TRPM3: variants seen among roughly 807,000 people sequenced by gnomAD.
TRPM3 encodes the protein transient receptor potential cation channel subfamily M member 3.
TRPM3 carries 77 observed loss-of-function variants against 181.2 expected under a neutral mutation model. The ratio of observed to expected loss-of-function variants is 0.42; its 90% CI spans 0.35 to 0.51. The LOEUF (loss-of-function observed/expected upper bound fraction) is 0.51. Among genes scored for constraint, TRPM3 ranks in the 20% least tolerant of loss-of-function variants. The probability of loss-of-function intolerance (pLI) is 0.01; values close to 1 mark genes in which losing one functional copy is unlikely to be tolerated. For synonymous variants in TRPM3, 745 were observed against 796.4 expected (o/e 0.94, Z 1.09); for missense variants, 1,759 against 2,196.7 (o/e 0.80, Z 3.98).
At chr9:71,311,063 T>C (rs1487604088) in intron 1 of TRPM3, among the ~76,000 whole-genome samples, 2 of 152,154 alleles carry the variant, frequency 1.3e-5, no homozygotes, top group Non-Finnish European at 2.9e-5. Flanking sequence ...AAGCTTTTTT[T>C]CTTCATCTCT....
At chr9:70,579,275 C>T (rs1213283921) in intron 22 of TRPM3, 3 of 152,202 alleles carry the variant, frequency 2.0e-5, no homozygotes, top group East Asian at 1.9e-4. Flanking sequence ...TAACCTGGAC[C>T]ACTTCACCCC....
At chr9:71,259,625 C>T (rs1236764284) in intron 1 of TRPM3, among the ~76,000 whole-genome samples, 2 of 152,246 alleles carry the variant, frequency 1.3e-5, no homozygotes, top group Admixed American at 6.5e-5. Flanking sequence ...TTTTGATTTG[C>T]ATTTCTCTAA....
intron 1 of TRPM3, among the ~76,000 whole-genome samples, chr9:71,058,039 A>G (rs2060868608): frequency 6.6e-6 from 1 of 152,048 alleles, no homozygotes; most frequent in South Asian, 2.1e-4. Context: ...GTGTGTTATC[A>G]ATGGTACAGA....
rs75675168 is a variant in TRPM3, at chr9:70,935,325, C to A, written c.178-70814G>T. On this transcript the variant is annotated intron_variant, in intron 1 of 25. Transcript: ENST00000677713. ...CTTTAAGTAACTCAGGGGCAAGGGA[C>A]CCAATTCACTCTTGGAAGCATGTAC... 2.2e-3 allele frequency among the ~76,000 whole-genome samples: 341 copies of A among 152,246 alleles called. 3 individuals are homozygous for A. Among genetic ancestry groups the A allele is most frequent in the African/African-American group, 7.6e-3 (315 of 41,538 alleles).
chr9:70,552,733 A>G, intron 24 of TRPM3, 111 bp downstream of exon 24: 1 of 1,106,732 alleles, frequency 9.0e-7, no homozygotes, highest in Non-Finnish European at 1.4e-6. Context: ...AGCTGTCTGC[A>G]GCCTGCAAGA....
At chr9:70,780,711 A>G (rs1448972753) in intron 7 of TRPM3, among the ~76,000 whole-genome samples, 1 of 152,208 alleles carries the variant, frequency 6.6e-6, no homozygotes, top group African/African-American at 2.4e-5. Flanking sequence ...TTTTATCATG[A>G]TGAATTTATA....
chr9:70,588,685 A>C (rs1450441622), intron 22 of TRPM3, among the ~76,000 whole-genome samples: 1 of 152,186 alleles, frequency 6.6e-6, no homozygotes, highest in Non-Finnish European at 1.5e-5. Flanking sequence ...GACACAGAAA[A>C]GAGGCAAGAC....
chr9:71,211,321 ATTCT>A (rs2079485010), intron 1 of TRPM3, among the ~76,000 whole-genome samples: 1 of 149,668 alleles, frequency 6.7e-6, no homozygotes, highest in Non-Finnish European at 1.5e-5. Context: ...TTTGAAATTC[ATTCT>A]TTCTTTCATT....
chr9:70,591,301 G>A, intron 21 of TRPM3, 96 bp from the exon 22 acceptor site: 1 of 1,044,790 alleles, frequency 9.6e-7, no homozygotes, highest in Non-Finnish European at 1.4e-6. Context: ...TTTGGAGGAG[G>A]TCCACTTTCT....
chr9:71,095,932 T>G (rs1257343128), intron 1 of TRPM3, among the ~76,000 whole-genome samples: 2 of 152,074 alleles, frequency 1.3e-5, no homozygotes, highest in East Asian at 3.9e-4. Context: ...CAGAAAAACT[T>G]ATAAAATCAC....
intron 5 of TRPM3, among the ~76,000 whole-genome samples, chr9:70,829,677 T>C (rs1427259738): frequency 6.6e-6 from 1 of 152,224 alleles, no homozygotes; most frequent in African/African-American, 2.4e-5. Context: ...TAGTTGGCTC[T>C]TATTGATAAA....
At position 70,805,089 on chromosome 9, in the gene TRPM3, T is replaced by G. The variant is rs373708407; in HGVS notation, c.974-20810A>C. 7.9e-5 allele frequency among the ~76,000 whole-genome samples: 12 copies of G among 152,124 alleles called. No homozygotes were observed. In the South Asian group the frequency reaches 1.9e-3, roughly 24 times the overall value. On this transcript the variant is annotated intron_variant, in intron 6 of 25. Transcript: ENST00000677713. ...GACAATTATTTTATCAGTGGTTACTTTGGCTGACAAAAGTTAAGAGGCTCT... is the reference window on the plus strand; with the variant it reads ...GACAATTATTTTATCAGTGGTTACTGTGGCTGACAAAAGTTAAGAGGCTCT...
At chr9:71,371,554 A>G (rs2132803058) in intron 1 of TRPM3, among the ~76,000 whole-genome samples, 1 of 152,338 alleles carries the variant, frequency 6.6e-6, no homozygotes, top group East Asian at 1.9e-4. Flanking sequence ...GTTTCATAAA[A>G]TTTGAATAGA....
chr9:70,539,978 G>A (rs2042855861), intron 25 of TRPM3, among the ~76,000 whole-genome samples: 1 of 152,150 alleles, frequency 6.6e-6, no homozygotes, highest in African/African-American at 2.4e-5. Flanking sequence ...GGGACTATAG[G>A]TGAGCACCAC....
At chr9:71,213,086 A>C (rs1433525275) in intron 1 of TRPM3, among the ~76,000 whole-genome samples, 3 of 152,204 alleles carry the variant, frequency 2.0e-5, no homozygotes, top group Non-Finnish European at 4.4e-5. Context: ...GTTTTCTCTC[A>C]ATGGCCAGCT....
intron 1 of TRPM3, among the ~76,000 whole-genome samples, chr9:71,031,563 C>T (rs1410639140): frequency 6.6e-6 from 1 of 151,834 alleles, no homozygotes; most frequent in African/African-American, 2.4e-5. Context: ...GAAAGCATGC[C>T]CACTATTGCT....
chr9:71,382,126 T>C (rs935441662), intron 1 of TRPM3, among the ~76,000 whole-genome samples: 5 of 152,178 alleles, frequency 3.3e-5, no homozygotes, highest in African/African-American at 1.2e-4. Context: ...TTGAATCCCA[T>C]TTCTAGCATT....
chr9:70,957,724 C>T (rs976449262), intron 1 of TRPM3, among the ~76,000 whole-genome samples: 2 of 152,172 alleles, frequency 1.3e-5, no homozygotes, highest in African/African-American at 2.4e-5. Context: ...CTCCAACTTT[C>T]GCAAATTTCA....
chr9:71,264,853 T>C (rs1256728574), intron 1 of TRPM3, among the ~76,000 whole-genome samples: 1 of 152,200 alleles, frequency 6.6e-6, no homozygotes, highest in East Asian at 1.9e-4. Flanking sequence ...TCTTCCATCC[T>C]CTATGTCCCA....
Sources: gnomAD v4.1 joint callset for allele counts (sites outside exome capture counted in the v4.1 genomes callset) on GRCh38, gnomAD v4.1.1 for gene constraint, MANE v1.5 for transcripts, NCBI Gene and HGNC (gene_info 2026-07-23, HGNC 2026-07-21) for gene names.